Variants in CLCN1 observed in about 807,000 individuals in gnomAD.
The protein encoded by CLCN1 is chloride channel protein 1.
Under a neutral mutation model 114.5 loss-of-function variants are expected in CLCN1, and 100 were observed. That is an observed-to-expected ratio of 0.87 (90% CI 0.74 to 1.03). The LOEUF (loss-of-function observed/expected upper bound fraction) is 1.03. Among genes scored for constraint, CLCN1 ranks in the 50% least tolerant of loss-of-function variants. CLCN1 has a pLI of 0.00. For synonymous variants in CLCN1, 485 were observed against 487.1 expected (o/e 1.00, Z 0.06); for missense variants, 1,188 against 1,250.0 (o/e 0.95, Z 0.75).
In CLCN1 at chr7:143,321,486, G is replaced by C; in HGVS notation, c.555G>C (p.Gln185His). 1 of 1,614,058 alleles carries C rather than the reference G, an allele frequency of 6.2e-7. No individual in the cohort carries two copies. Residue 185 changes from glutamine (Q) to histidine (H), a missense_variant, in exon 4 of 23, where the codon CAG becomes CAC. Coordinates refer to ENST00000343257, the MANE Select transcript of CLCN1 (RefSeq NM_000083.3). The surrounding 1 kb of genome is among the most constrained non-coding windows in gnomAD (Gnocchi z 4.2). ...TCTTCTGCCACCTCATCTCTCCCCA[G>C]GCTGTTGGTGAGAACTTGCCACCAG... ...SALFCHLISP[Q>H]AVGSGIPEMK... is the part of the protein sequence containing the mutation.
intron 1 of CLCN1, among the ~76,000 whole-genome samples, chr7:143,317,494 C>T (rs1379813819): frequency 1.3e-5 from 2 of 152,064 alleles, no homozygotes; most frequent in Admixed American, 6.5e-5. Flanking sequence ...GTAATTCACC[C>T]GCCTTGGCCT....
intron 1 of CLCN1, 104 bp downstream of exon 1, chr7:143,316,496 A>T: frequency 1.8e-6 from 2 of 1,086,956 alleles, no homozygotes; most frequent in Non-Finnish European, 2.7e-6. Flanking sequence ...GCAGTGTTAC[A>T]TTTTTTTAAC....
At chr7:143,318,869 G>A (rs1802355761) in intron 1 of CLCN1, among the ~76,000 whole-genome samples, 1 of 152,214 alleles carries the variant, frequency 6.6e-6, no homozygotes, top group Admixed American at 6.5e-5. Flanking sequence ...TCATGTGCGT[G>A]CTTGTTCAGG....
chr7:143,320,719 C>A lies in CLCN1; in HGVS notation c.357C>A (p.Ile119=). The stretch of plus-strand genomic sequence containing the variant: ...GAAGAAAATTAGGGGAAGACGGGAT[C>A]TTTCTGGTGCTTCTGGGACTGCTGA... ...VVRRKLGEDG[I]FLVLLGLLMA... The change falls in exon 3 of 23, where the codon ATC becomes ATA. Residue 119 remains isoleucine (I), a synonymous_variant. Coordinates refer to ENST00000343257, the MANE Select transcript of CLCN1 (RefSeq NM_000083.3). 6.2e-7 allele frequency: 1 copy of A among 1,613,466 alleles called. No individual in the cohort carries two copies. Among genetic ancestry groups the A allele is most frequent in the Non-Finnish European group, 8.5e-7 (1 of 1,179,446 alleles).
At chr7:143,334,725 A>G (rs1488190811) in intron 12 of CLCN1, among the ~76,000 whole-genome samples, 1 of 152,252 alleles carries the variant, frequency 6.6e-6, no homozygotes, top group Non-Finnish European at 1.5e-5. Context: ...TGTATTTGCA[A>G]ATGATCTTCC....
intron 12 of CLCN1, among the ~76,000 whole-genome samples, chr7:143,335,014 G>A (rs1019205508): frequency 2.0e-5 from 3 of 152,116 alleles, no homozygotes; most frequent in Non-Finnish European, 2.9e-5. Flanking sequence ...AGAATTGGAC[G>A]GTAGTCCAAT....
intron 20 of CLCN1, among the ~76,000 whole-genome samples, chr7:143,347,620 CAAAAAAAAAAA>C (rs57147641): frequency 1.1e-5 from 1 of 94,978 alleles, no homozygotes; most frequent in Admixed American, 1.3e-4. Flanking sequence ...GACTTTGCCT[CAAAAAAAAAAA>C]AAAAAAAAAA....
intron 11 of CLCN1, 106 bp downstream of exon 11, chr7:143,332,609 C>T: frequency 6.5e-7 from 1 of 1,528,444 alleles, no homozygotes; most frequent in Non-Finnish European, 9.1e-7. Flanking sequence ...TAGATTCTCC[C>T]TGAGAAAAGG....
chr7:143,335,666 T>TG (rs1197949184), intron 12 of CLCN1, among the ~76,000 whole-genome samples: 2 of 149,326 alleles, frequency 1.3e-5, no homozygotes, highest in Non-Finnish European at 3.0e-5. Flanking sequence ...GTTTTGTTTT[T>TG]TTTTTTTTTT....
At chr7:143,346,071 A>T in intron 17 of CLCN1, 69 bp from the exon 18 acceptor site, 1 of 1,047,476 alleles carries the variant, frequency 9.5e-7, no homozygotes, top group Non-Finnish European at 1.5e-6. Context: ...ACATCCACCA[A>T]CTGGTAAAGG....
Position 143,346,895 on chromosome 7 carries a change from T to C in CLCN1, c.2365-16T>C, listed in dbSNP as rs376685775. On this transcript the variant is annotated splice_polypyrimidine_tract_variant and intron_variant, in intron 19 of 22. Transcript: ENST00000343257. ...AGAAAAGGGAAAGAACTTGGACCTATGTCTTTCTTCTCTAGGATTCCACAG... is the reference window on the plus strand; with the variant it reads ...AGAAAAGGGAAAGAACTTGGACCTACGTCTTTCTTCTCTAGGATTCCACAG... 1.9e-6 allele frequency: 3 copies of C among 1,612,598 alleles called. No homozygotes were observed. In the African/African-American group the frequency reaches 4.0e-5, roughly 22 times the overall value.
At position 143,346,385 on chromosome 7, in the gene CLCN1, A is replaced by C. The variant is rs1388289504; in HGVS notation, c.2284+134A>C. On this transcript the variant is annotated intron_variant, in intron 18 of 22. Coordinates refer to ENST00000343257, the MANE Select transcript of CLCN1 (RefSeq NM_000083.3). ...TGAGGCTGGGGGATTGAGGGAGGAC[A>C]GGGTTCTTATTCATCAATTCTCCTT... 3 of 747,970 alleles carry C rather than the reference A, an allele frequency of 4.0e-6. No individual in the cohort carries two copies. The African/African-American group carries it at 5.2e-5, about 13-fold the overall frequency. The allele number at this position is 747,970 out of a possible 1,614,324, so 46.3% of individuals were successfully genotyped here. A position where few individuals can be genotyped will look rare whatever the true frequency, so the allele number is the denominator to read the frequency against.
chr7:143,351,083 C>T (rs1312982554), intron 22 of CLCN1, among the ~76,000 whole-genome samples: 1 of 152,142 alleles, frequency 6.6e-6, no homozygotes, highest in Admixed American at 6.5e-5. Context: ...TGGCACCCCT[C>T]TGTATTTCTT....
chr7:143,341,222 G>T (rs936642176), intron 14 of CLCN1, among the ~76,000 whole-genome samples: 1 of 147,492 alleles, frequency 6.8e-6, no homozygotes, highest in Non-Finnish European at 1.5e-5. Flanking sequence ...AATACCTAAA[G>T]CCCAAGGTAA....
At chr7:143,338,769 G>A (rs1293928260) in intron 12 of CLCN1, among the ~76,000 whole-genome samples, 1 of 150,326 alleles carries the variant, frequency 6.7e-6, no homozygotes, top group Non-Finnish European at 1.5e-5. Flanking sequence ...CTTGGGTGCT[G>A]GGTGGCAGAG....
rs770515905 is a variant in CLCN1, at chr7:143,332,410, C to A, written c.1167-9C>A. The A allele has an allele frequency of 1.9e-6, 3 of 1,607,588 alleles. No homozygotes were observed. Among genetic ancestry groups the A allele is most frequent in the Non-Finnish European group, 2.6e-6 (3 of 1,174,480 alleles). On this transcript the variant is annotated splice_polypyrimidine_tract_variant and intron_variant, in intron 10 of 22. Transcript: ENST00000343257. ...TGAATTGTGGCGGTTAACTCTGTTTCTTTTTCAGCCGCCTGCTGTATCCTG... is the reference window on the plus strand; with the variant it reads ...TGAATTGTGGCGGTTAACTCTGTTTATTTTTCAGCCGCCTGCTGTATCCTG...
At chr7:143,318,557 A>G (rs1369172377) in intron 1 of CLCN1, among the ~76,000 whole-genome samples, 2 of 152,084 alleles carry the variant, frequency 1.3e-5, no homozygotes, top group African/African-American at 2.4e-5. Flanking sequence ...AATCCCAGAC[A>G]TTGTATCACT....
intron 10 of CLCN1, among the ~76,000 whole-genome samples, 167 bp from the exon 11 acceptor site, chr7:143,332,252 G>A (rs182596653): frequency 7.2e-5 from 11 of 152,326 alleles, no homozygotes; most frequent in Non-Finnish European, 1.2e-4. Flanking sequence ...AGAGGCATGA[G>A]CCACCGCACT....
intron 1 of CLCN1, 113 bp from the exon 2 acceptor site, chr7:143,319,642 C>T (rs1416592519): frequency 2.6e-6 from 3 of 1,147,046 alleles, no homozygotes; most frequent in African/African-American, 3.1e-5. Flanking sequence ...CAGTCAACAC[C>T]CAGAATTCAA....
Sources: allele counts gnomAD v4.1 joint callset (sites outside exome capture counted in the v4.1 genomes callset), GRCh38; gene constraint gnomAD v4.1.1; non-coding constraint Gnocchi (gnomAD v3.1); transcripts MANE v1.5; gene names NCBI Gene and HGNC (gene_info 2026-07-23, HGNC 2026-07-21).